CYP2C8: variants seen among roughly 807,000 people sequenced by gnomAD.
CYP2C8 encodes the protein cytochrome P450 family 2 subfamily C member 8.
CYP2C8 carries 51 observed loss-of-function variants against 41.3 expected under a neutral mutation model. The ratio of observed to expected loss-of-function variants is 1.24; its 90% CI spans 0.99 to 1.56. The LOEUF (loss-of-function observed/expected upper bound fraction) is 1.56, where lower values mean the gene tolerates loss of function less well. Ranked by LOEUF, CYP2C8 falls within the 40% of genes most tolerant of loss-of-function variation. The pLI is 0.00. For missense variants in CYP2C8, 651 were observed against 579.9 expected, an observed-to-expected ratio of 1.12 and a Z score of -1.26; for synonymous variants, 218 against 205.8, an observed-to-expected ratio of 1.06 and a Z score of -0.51.
At chr10:95,062,528 G>T (rs578182197) in intron 4 of CYP2C8, among the ~76,000 whole-genome samples, 2 of 152,044 alleles carry the variant, frequency 1.3e-5, no homozygotes. Context: ...TTGAGCCTAT[G>T]TGCGTCTCTG....
chr10:95,037,415 T>G lies in CYP2C8; in HGVS notation c.1292-106A>C, dbSNP rs2032907993. 4.3e-6 allele frequency: 4 copies of G among 927,328 alleles called. No homozygotes were observed. In the South Asian group the frequency reaches 5.7e-5, roughly 13 times the overall value. 57.4% of individuals were successfully genotyped at this position (927,328 alleles called of 1,614,324 possible). A position where few individuals can be genotyped will look rare whatever the true frequency, so the allele number is the denominator to read the frequency against. On this transcript the variant is annotated intron_variant, in intron 8 of 8. Transcript: ENST00000371270. ...AACAGAATATGCAGTAAATAATTGATTAATGATTGGGTAGATGAATGAACA... is the reference window on the plus strand; with the variant it reads ...AACAGAATATGCAGTAAATAATTGAGTAATGATTGGGTAGATGAATGAACA...
chr10:95,038,535 C>T (rs1191779456), intron 8 of CYP2C8, among the ~76,000 whole-genome samples: 8 of 152,158 alleles, frequency 5.3e-5, no homozygotes, highest in Non-Finnish European at 1.0e-4. Context: ...GTAGAAGACA[C>T]TCAATGCAGT....
intron 5 of CYP2C8, among the ~76,000 whole-genome samples, chr10:95,050,112 T>C (rs2033187319): frequency 1.3e-5 from 2 of 152,076 alleles, no homozygotes; most frequent in Non-Finnish European, 1.5e-5. Context: ...AAACCAGGAC[T>C]TGGCTCTTGT....
chr10:95,060,094 T>C (rs1467429592), intron 4 of CYP2C8, among the ~76,000 whole-genome samples: 3 of 152,160 alleles, frequency 2.0e-5, no homozygotes, highest in Admixed American at 2.0e-4. Flanking sequence ...TCCAGCTTTG[T>C]TCTTTTGGCT....
At chr10:95,066,216 T>A (rs1025200356) in intron 3 of CYP2C8, among the ~76,000 whole-genome samples, 1 of 129,114 alleles carries the variant, frequency 7.7e-6, no homozygotes, top group African/African-American at 2.8e-5. Context: ...GATATCCAGG[T>A]TTTTTTTTTT....
intron 5 of CYP2C8, among the ~76,000 whole-genome samples, chr10:95,052,351 C>A (rs2033228673): frequency 6.6e-6 from 1 of 152,020 alleles, no homozygotes; most frequent in Non-Finnish European, 1.5e-5. Context: ...CCAATGACTT[C>A]AATGATGAAT....
At chr10:95,049,101 G>A (rs1394643013) in intron 5 of CYP2C8, among the ~76,000 whole-genome samples, 1 of 152,032 alleles carries the variant, frequency 6.6e-6, no homozygotes, top group Non-Finnish European at 1.5e-5. Flanking sequence ...GAGTCTACAA[G>A]AAACTCAAAA....
chr10:95,056,282 C>A (rs1485235305), intron 5 of CYP2C8, among the ~76,000 whole-genome samples: 3 of 151,948 alleles, frequency 2.0e-5, no homozygotes, highest in Admixed American at 6.6e-5. Flanking sequence ...AAAAGAGGAA[C>A]CCTCAAACAT....
chr10:95,038,855 C>A (rs771626843), intron 8 of CYP2C8, 42 bp downstream of exon 8: 4 of 1,606,658 alleles, frequency 2.5e-6, no homozygotes, highest in Admixed American at 3.3e-5. Flanking sequence ...CCAAAAAGTT[C>A]TCTCTTTCCT....
At chr10:95,045,440 G>A (rs2033088449) in intron 6 of CYP2C8, among the ~76,000 whole-genome samples, 1 of 152,150 alleles carries the variant, frequency 6.6e-6, no homozygotes, top group Admixed American at 6.6e-5. Flanking sequence ...CAGCATTAGA[G>A]CATGGAATTT....
intron 4 of CYP2C8, among the ~76,000 whole-genome samples, chr10:95,058,916 T>C (rs898254119): frequency 3.9e-5 from 6 of 152,172 alleles, no homozygotes; most frequent in African/African-American, 1.4e-4. Flanking sequence ...GTCCTTGTGA[T>C]AGTATGCTGA....
chr10:95,066,039 T>G (rs1398837333), intron 3 of CYP2C8, among the ~76,000 whole-genome samples: 1 of 151,706 alleles, frequency 6.6e-6, no homozygotes, highest in Non-Finnish European at 1.5e-5. Flanking sequence ...CCAGACTCCT[T>G]TAAACATTAC....
intron 7 of CYP2C8, among the ~76,000 whole-genome samples, chr10:95,042,456 A>T (rs527359525): frequency 6.6e-6 from 1 of 152,154 alleles, no homozygotes; most frequent in South Asian, 2.1e-4. Context: ...TCTAGGAAAA[A>T]CCTAATAAAA....
intron 7 of CYP2C8, among the ~76,000 whole-genome samples, chr10:95,040,159 T>A (rs1316596489): frequency 6.6e-6 from 1 of 152,226 alleles, no homozygotes; most frequent in Non-Finnish European, 1.5e-5. Context: ...TATTATTATT[T>A]GAACAATAGC....
rs1295352910 is a variant in CYP2C8 at position 95,056,946 on chromosome 10, T to TA, written c.819+1388dup. Among the ~76,000 whole-genome samples the TA allele has an allele frequency of 4.6e-5, 7 of 152,158 alleles. No homozygotes were observed. In the South Asian group the frequency reaches 1.4e-3, roughly 32 times the overall value. On this transcript the variant is annotated intron_variant, in intron 5 of 8. Transcript: ENST00000371270. ...AACAGCTTTGTTGAACAGGCAGTGG[T>TA]ACAGCTCTGCGAGGGCTCCTGCAGA...
chr10:95,065,383 T>A (rs917921661), intron 3 of CYP2C8, among the ~76,000 whole-genome samples: 1 of 152,226 alleles, frequency 6.6e-6, no homozygotes, highest in African/African-American at 2.4e-5. Flanking sequence ...GCTGAAAGTA[T>A]AATGTGCTGA....
At chr10:95,053,557 A>G (rs2033250901) in intron 5 of CYP2C8, among the ~76,000 whole-genome samples, 1 of 152,230 alleles carries the variant, frequency 6.6e-6, no homozygotes, top group South Asian at 2.1e-4. Context: ...AAAATATGGC[A>G]CATATGCACC....
chr10:95,042,412 A>T (rs77099594), intron 7 of CYP2C8, among the ~76,000 whole-genome samples: 1 of 143,950 alleles, frequency 6.9e-6, no homozygotes, highest in Non-Finnish European at 1.6e-5. Flanking sequence ...ATAAAAAAAA[A>T]TTAAAAAATT....
rs1589450526 is a variant in CYP2C8, at chr10:95,069,277, C to G, written c.126G>C (p.Met42Ile). The G allele has an allele frequency of 6.2e-7, 1 of 1,614,006 alleles. No individual in the cohort carries two copies. The highest frequency in any genetic ancestry group is 8.5e-7 in the Non-Finnish European group (1 of 1,179,940). The change falls in exon 1 of 9, where the codon ATG (methionine) becomes ATC (isoleucine). Residue 42 changes from methionine (M) to isoleucine (I), a missense_variant. Transcript: ENST00000371270. Reference protein sequence around the residue: ...GPTPLPIIGNMLQIDVKDICK... With the variant: ...GPTPLPIIGNILQIDVKDICK... ...AGATGTCCTTAACATCTATCTGTAG[C>G]ATATTTCCAATAATAGGAAGAGGAG...
Sources: allele counts gnomAD v4.1 joint callset (sites outside exome capture counted in the v4.1 genomes callset), GRCh38; gene constraint gnomAD v4.1.1; transcripts MANE v1.5; gene names NCBI Gene and HGNC (gene_info 2026-07-23, HGNC 2026-07-21).